Variants in EPB41 observed in about 807,000 individuals in gnomAD.
The protein encoded by EPB41 is protein 4.1.
EPB41 carries 65 observed loss-of-function variants against 108.0 expected under a neutral mutation model. The observed-to-expected ratio is 0.60, with a 90% confidence interval of 0.49 to 0.74. The LOEUF (loss-of-function observed/expected upper bound fraction) is 0.74. EPB41 is among the 30% of genes least tolerant of loss of function. The pLI is 0.00. For missense variants in EPB41, 875 were observed against 1,037.0 expected, an observed-to-expected ratio of 0.84 and a Z score of 2.15; for synonymous variants, 336 against 358.9, an observed-to-expected ratio of 0.94 and a Z score of 0.72.
chr1:29,056,439 T>C (rs892798798), intron 12 of EPB41, among the ~76,000 whole-genome samples: 7 of 152,196 alleles, frequency 4.6e-5, no homozygotes, highest in African/African-American at 1.7e-4. Flanking sequence ...ATTCTGCCAG[T>C]ATACCTGTAG....
At chr1:28,900,382 G>T (rs1048763659) in intron 1 of EPB41, among the ~76,000 whole-genome samples, 4 of 151,452 alleles carry the variant, frequency 2.6e-5, no homozygotes, top group Admixed American at 2.6e-4. Context: ...CTGCCTCCCA[G>T]GTTCAAGCAA....
intron 1 of EPB41, among the ~76,000 whole-genome samples, chr1:28,967,013 CTTTTTTTTTTT>C (rs71586876): frequency 3.5e-5 from 3 of 85,392 alleles, no homozygotes; most frequent in South Asian, 4.5e-4. Context: ...ATATGAGAAC[CTTTTTTTTTTT>C]TTTTTTTTTT....
At chr1:28,928,554 C>A (rs530735185) in intron 1 of EPB41, among the ~76,000 whole-genome samples, 1 of 152,180 alleles carries the variant, frequency 6.6e-6, no homozygotes, top group African/African-American at 2.4e-5. Flanking sequence ...ATTATAGCTC[C>A]ACAACTTGGA....
At chr1:28,987,398 A>G (rs200808177) in intron 1 of EPB41, 33 bp from the exon 2 acceptor site, 766 of 1,597,600 alleles carry the variant, frequency 4.8e-4, no homozygotes, top group Non-Finnish European at 6.1e-4. Flanking sequence ...TTTTGCTTAT[A>G]AGAGCCCCCC....
chr1:28,977,249 A>G (rs949284364), intron 1 of EPB41, among the ~76,000 whole-genome samples: 4 of 152,170 alleles, frequency 2.6e-5, no homozygotes, highest in Non-Finnish European at 5.9e-5. Context: ...TATAAAGGAA[A>G]TTTTATTAAT....
At chr1:28,994,048 A>G (rs2096094842) in intron 3 of EPB41, among the ~76,000 whole-genome samples, 1 of 152,178 alleles carries the variant, frequency 6.6e-6, no homozygotes, top group Non-Finnish European at 1.5e-5. Flanking sequence ...TAAGTCCAGT[A>G]AATGCCATTT....
intron 3 of EPB41, among the ~76,000 whole-genome samples, chr1:28,996,723 A>G (rs1042670128): frequency 6.6e-6 from 1 of 152,250 alleles, no homozygotes; most frequent in African/African-American, 2.4e-5. Flanking sequence ...CAGGAATTTT[A>G]TAAATCATAT....
chr1:29,067,781 G>C (rs1018427144), intron 16 of EPB41, among the ~76,000 whole-genome samples: 6 of 152,132 alleles, frequency 3.9e-5, no homozygotes, highest in African/African-American at 1.4e-4. Flanking sequence ...AATAAGGCTG[G>C]AGAATACCTG....
At chr1:28,897,571 A>G (rs2090804377) in intron 1 of EPB41, among the ~76,000 whole-genome samples, 1 of 132,362 alleles carries the variant, frequency 7.6e-6, no homozygotes, top group African/African-American at 2.8e-5. Context: ...GAAGGTAGGA[A>G]GGGAAGGGAA....
At chr1:29,070,564 G>A (rs1211405643) in intron 16 of EPB41, 7 of 1,231,970 alleles carry the variant, frequency 5.7e-6, no homozygotes, top group Non-Finnish European at 7.1e-6. Context: ...CTTTCATGAT[G>A]TCTTTTCTCG....
intron 10 of EPB41, among the ~76,000 whole-genome samples, chr1:29,036,254 AT>A (rs71022387): frequency 0.35 from 36,847 of 106,018 alleles, 5,019 homozygotes; most frequent in South Asian, 0.46. Context: ...TCCACGTGTG[AT>A]TTTTTTTTTT....
In EPB41 at chr1:29,119,525, T is replaced by G. The variant is rs1174736130; in HGVS notation, c.*2713T>G. ...CCACCCACAAAGCAAGACCTGTATT[T>G]ATAAGCCGAGGGCTCAGGGAGCCTA... is the stretch of plus-strand genomic sequence containing the variant. On this transcript the variant is annotated 3_prime_UTR_variant, in exon 21 of 21. Coordinates refer to ENST00000343067, the MANE Select transcript of EPB41 (RefSeq NM_001376013.1). 4 of 152,230 alleles carry G rather than the reference T, an allele frequency of 2.6e-5. No homozygotes were observed. Among genetic ancestry groups the G allele is most frequent in the African/African-American group, 9.7e-5 (4 of 41,430 alleles). The allele number at this position is 152,230 out of a possible 1,614,324, so 9.4% of individuals were successfully genotyped here.
intron 17 of EPB41, among the ~76,000 whole-genome samples, chr1:29,104,011 G>A (rs1184107011): frequency 1.3e-5 from 2 of 152,158 alleles, no homozygotes; most frequent in African/African-American, 4.8e-5. Flanking sequence ...GGTAGAGTGG[G>A]GAAGAGTGTT....
chr1:28,986,038 A>T (rs888983798), intron 1 of EPB41, among the ~76,000 whole-genome samples: 234 of 124,130 alleles, frequency 1.9e-3, no homozygotes, highest in African/African-American at 7.1e-3. Flanking sequence ...TGTCCATGTG[A>T]TCTCATTGTT....
Position 29,118,616 on chromosome 1 carries a change from G to A in EPB41, c.*1804G>A, listed in dbSNP as rs895000952. On this transcript the variant is annotated 3_prime_UTR_variant, in exon 21 of 21. Transcript: ENST00000343067. ...ACCGTCCAAAGTCTCCACTGCCTGAGTTTTGTTTCGGCTGGTTTGAACTCA... is the reference window on the plus strand; with the variant it reads ...ACCGTCCAAAGTCTCCACTGCCTGAATTTTGTTTCGGCTGGTTTGAACTCA... 3.9e-5 allele frequency: 6 copies of A among 152,246 alleles called. No individual in the cohort carries two copies. Among genetic ancestry groups the A allele is most frequent in the African/African-American group, 1.2e-4 (5 of 41,450 alleles). 9.4% of individuals were successfully genotyped at this position (152,246 alleles called of 1,614,324 possible).
At chr1:29,010,045 A>T (rs2096473151) in intron 4 of EPB41, among the ~76,000 whole-genome samples, 2 of 152,096 alleles carry the variant, frequency 1.3e-5, no homozygotes, top group Non-Finnish European at 2.9e-5. Flanking sequence ...TTTTTTCTAA[A>T]TACCACTGTC....
At chr1:28,930,487 G>GT (rs928304280) in intron 1 of EPB41, among the ~76,000 whole-genome samples, 18 of 137,184 alleles carry the variant, frequency 1.3e-4, no homozygotes, top group South Asian at 2.3e-4. Flanking sequence ...GTGTGTGTGT[G>GT]TTTTTTTTTT....
At position 29,119,933 on chromosome 1, in the gene EPB41, C is replaced by G. The variant is rs1198580496; in HGVS notation, c.*3121C>G. Reference sequence around the variant, plus strand: ...ATCTTTAGACTACACAGGCAATAATCAAGTCTGCTGTTTTGGCCTTTCGTA... The same window carrying G: ...ATCTTTAGACTACACAGGCAATAATGAAGTCTGCTGTTTTGGCCTTTCGTA... On this transcript the variant is annotated 3_prime_UTR_variant, in exon 21 of 21. Coordinates refer to ENST00000343067, the MANE Select transcript of EPB41 (RefSeq NM_001376013.1). The G allele has an allele frequency of 6.6e-6, 1 of 152,612 alleles. No individual in the cohort carries two copies. Among genetic ancestry groups the G allele is most frequent in the African/African-American group, 2.4e-5 (1 of 41,446 alleles). 9.5% of individuals were successfully genotyped at this position (152,612 alleles called of 1,614,324 possible). A position where few individuals can be genotyped will look rare whatever the true frequency, so the allele number is the denominator to read the frequency against.
chr1:28,992,473 G>A (rs1044462976), intron 2 of EPB41, among the ~76,000 whole-genome samples: 2 of 152,142 alleles, frequency 1.3e-5, no homozygotes, highest in Non-Finnish European at 2.9e-5. Context: ...CAGATCATGA[G>A]GTCAGGAGAT....
Sources: gnomAD v4.1 joint callset for allele counts (sites outside exome capture counted in the v4.1 genomes callset) on GRCh38, gnomAD v4.1.1 for gene constraint, MANE v1.5 for transcripts, NCBI Gene and HGNC (gene_info 2026-07-23, HGNC 2026-07-21) for gene names.